ITGA10: variants seen among roughly 807,000 people sequenced by gnomAD.
The protein encoded by ITGA10 is integrin alpha-10.
Under a neutral mutation model 145.2 loss-of-function variants are expected in ITGA10, and 105 were observed. That is an observed-to-expected ratio of 0.72 (90% CI 0.62 to 0.85). ITGA10 has a LOEUF of 0.85. ITGA10 is among the 40% of genes least tolerant of loss of function. The probability of loss-of-function intolerance (pLI) is 0.00; values close to 1 mark genes in which losing one functional copy is unlikely to be tolerated. For synonymous variants in ITGA10, 506 were observed against 557.8 expected (o/e 0.91, Z 1.31); for missense variants, 1,317 against 1,444.5 (o/e 0.91, Z 1.43).
intron 1 of ITGA10, 160 bp from the exon 2 acceptor site, chr1:145,907,625 G>A (rs1657335793): frequency 2.0e-6 from 2 of 984,510 alleles, no homozygotes; most frequent in African/African-American, 3.5e-5. Flanking sequence ...CAGAGCTCCA[G>A]GCAAAGATGA....
intron 23 of ITGA10, 36 bp downstream of exon 23, chr1:145,896,733 G>A (rs1326449443): frequency 1.3e-6 from 2 of 1,530,010 alleles, no homozygotes; most frequent in African/African-American, 2.7e-5. Context: ...TGAGTCTGAG[G>A]TCAGAACTGG....
chr1:145,903,393 C>T (rs1570896342), intron 7 of ITGA10, among the ~76,000 whole-genome samples: 2 of 152,030 alleles, frequency 1.3e-5, no homozygotes, highest in African/African-American at 2.4e-5. Context: ...ATGTTTGGAA[C>T]GTGGGCTAGG....
intron 1 of ITGA10, among the ~76,000 whole-genome samples, chr1:145,908,138 G>T (rs1205321771): frequency 6.6e-6 from 1 of 152,058 alleles, no homozygotes; most frequent in Non-Finnish European, 1.5e-5. Flanking sequence ...GAGGGAGAGG[G>T]CCTTTCTGTA....
chr1:145,903,052 CA>C, intron 7 of ITGA10, 91 bp from the exon 8 acceptor site: 1 of 936,716 alleles, frequency 1.1e-6, no homozygotes, highest in Non-Finnish European at 1.5e-6. Flanking sequence ...CACACACACA[CA>C]CACACACACA....
chr1:145,895,895 A>C, intron 25 of ITGA10, 88 bp downstream of exon 25: 1 of 1,129,060 alleles, frequency 8.9e-7, no homozygotes. Context: ...CAGAGGCCCA[A>C]CAGATAGGGA....
chr1:145,901,691 A>G lies in ITGA10; in HGVS notation c.1295-27T>C, dbSNP rs1283563535. On this transcript the variant is annotated intron_variant, in intron 11 of 29. Transcript: ENST00000369304. The surrounding 1 kb of genome is among the most constrained non-coding windows in gnomAD (Gnocchi z 4.3). ...TAGAAGTGGGCAAAGTAACAGAGGT[A>G]AAGGAAAAGAAGATGGGGTCCAGAG... 6.5e-6 allele frequency: 10 copies of G among 1,539,996 alleles called. No individual in the cohort carries two copies. The highest frequency in any genetic ancestry group is 8.7e-6 in the Non-Finnish European group (10 of 1,145,320).
intron 27 of ITGA10, 93 bp from the exon 28 acceptor site, chr1:145,893,728 G>A (rs587739333): frequency 1.1e-6 from 1 of 945,382 alleles, no homozygotes; most frequent in Non-Finnish European, 1.6e-6. Context: ...GAGGCTGAGA[G>A]GCATAATGTT....
At position 145,893,587 on chromosome 1, in the gene ITGA10, C is replaced by T. The variant is rs144455188; in HGVS notation, c.3277G>A (p.Glu1093Lys). ...TVVSTFELGT[E>K]EGSVLQLTEA... The stretch of plus-strand genomic sequence containing the variant: ...GTCAGCTGTAGGACACTGCCCTCTT[C>T]GGTTCCCAGCTCAAAGGTGCTGACC... Residue 1093 changes from glutamate (E) to lysine (K), a missense_variant, in exon 28 of 30, where the codon GAA becomes AAA. Physicochemically the swap from Glu to Lys is moderately conservative, Grantham distance 56. Transcript: ENST00000369304. 489 of 1,613,226 alleles carry T rather than the reference C, an allele frequency of 3.0e-4. No individual in the cohort carries two copies. Among genetic ancestry groups the T allele is most frequent in the Non-Finnish European group, 3.4e-4 (396 of 1,179,736 alleles).
At chr1:145,896,665 G>T in intron 23 of ITGA10, 104 bp downstream of exon 23, 1 of 931,534 alleles carries the variant, frequency 1.1e-6, no homozygotes, top group Non-Finnish European at 1.8e-6. Flanking sequence ...AGCCGCAAGG[G>T]CTTGGGTTTT....
At position 145,899,338 on chromosome 1, in the gene ITGA10, G is replaced by A; in HGVS notation, c.1926C>T (p.Ser642=). Residue 642 remains serine, a synonymous_variant, in exon 16 of 30, where the codon TCC becomes TCT. Coordinates refer to ENST00000369304, the MANE Select transcript of ITGA10 (RefSeq NM_003637.5). ...ATGGGGTCAGATGGACAATGGGCCG[G>A]GAGCTGGGAACAGTGTGGAAAAGAA... is the stretch of plus-strand genomic sequence containing the variant. ...GAQGAAILLS[S]RPIVHLTPSL... 1 of 1,613,856 alleles carries A rather than the reference G, an allele frequency of 6.2e-7. No individual in the cohort carries two copies. The highest frequency in any genetic ancestry group is 8.5e-7 in the Non-Finnish European group (1 of 1,179,826).
rs781825737 is a variant in ITGA10 at position 145,906,721 on chromosome 1, T to C, written c.366+12A>G. On this transcript the variant is annotated intron_variant, in intron 4 of 29. Transcript: ENST00000369304. ...CTTCAGAGACACTGCCACCACCCTC[T>C]CCTTAGCTCACCATGAATCCCCCAT... 4 of 1,593,244 alleles carry C rather than the reference T, an allele frequency of 2.5e-6. No homozygotes were observed. In the African/African-American group the frequency reaches 5.4e-5, roughly 21 times the overall value.
chr1:145,904,075 A>G lies in ITGA10; in HGVS notation c.735T>C (p.Thr245=). 6.2e-7 allele frequency: 1 copy of G among 1,614,004 alleles called. No homozygotes were observed. The highest frequency in any genetic ancestry group is 1.1e-5 in the South Asian group (1 of 91,074). ...ACCAGGCCACCATTATTGCTTGGGC[A>G]GTCTTTGTTTCTCGTCCCTCCCGCC... The part of the protein sequence containing the change: ...LSRREGRETK[T]AQAIMVACTE... The change falls in exon 7 of 30, where the codon ACT becomes ACC. Residue 245 remains threonine, a synonymous_variant. Transcript: ENST00000369304.
chr1:145,902,764 C>A, intron 8 of ITGA10, 47 bp downstream of exon 8: 1 of 1,574,508 alleles, frequency 6.4e-7, no homozygotes, highest in Non-Finnish European at 8.6e-7. Context: ...CAAGACACTG[C>A]CCCCCTGCCA....
chr1:145,896,658 C>T (rs1245842803), intron 23 of ITGA10, 111 bp downstream of exon 23: 38 of 880,246 alleles, frequency 4.3e-5, no homozygotes, highest in South Asian at 3.0e-4. Flanking sequence ...ACTGAGCAGC[C>T]GCAAGGGCTT....
chr1:145,909,834 C>T, intron 1 of ITGA10, 129 bp downstream of exon 1: 2 of 773,288 alleles, frequency 2.6e-6, no homozygotes, highest in South Asian at 2.9e-5. Context: ...GACACACATA[C>T]AAGAAATGTA....
chr1:145,894,564 G>A (rs1249494485), intron 27 of ITGA10, among the ~76,000 whole-genome samples: 1 of 152,168 alleles, frequency 6.6e-6, no homozygotes, highest in African/African-American at 2.4e-5. Flanking sequence ...TGTTATTCCA[G>A]GTAGATATGG....
intron 15 of ITGA10, 110 bp from the exon 16 acceptor site, chr1:145,899,451 G>A: frequency 3.4e-6 from 4 of 1,191,134 alleles, no homozygotes; most frequent in Non-Finnish European, 4.8e-6. Flanking sequence ...GGGGCTGAAT[G>A]CACATGTCAC....
chr1:145,899,443 G>T, intron 15 of ITGA10, 102 bp from the exon 16 acceptor site: 4 of 1,277,048 alleles, frequency 3.1e-6, no homozygotes, highest in Non-Finnish European at 3.3e-6. Flanking sequence ...AAGAAGGAGG[G>T]GCTGAATGCA....
At position 145,902,320 on chromosome 1, in the gene ITGA10, C is replaced by T; in HGVS notation, c.1076-1G>A. On this transcript the variant is annotated splice_acceptor_variant, in intron 9 of 29. Transcript: ENST00000369304. LOFTEE classifies it high-confidence loss of function. Reference sequence around the variant, plus strand: ...GAGCTTTCGTTTTCTGCATGGGACCCTTGGTCATGAGAAAACATTGAGACA... The same window carrying T: ...GAGCTTTCGTTTTCTGCATGGGACCTTTGGTCATGAGAAAACATTGAGACA... 6.2e-7 allele frequency: 1 copy of T among 1,614,034 alleles called. No homozygotes were observed. The highest frequency in any genetic ancestry group is 8.5e-7 in the Non-Finnish European group (1 of 1,179,910).
Sources: gnomAD v4.1 joint callset for allele counts (sites outside exome capture counted in the v4.1 genomes callset) on GRCh38, gnomAD v4.1.1 for gene constraint, Gnocchi (gnomAD v3.1) non-coding constraint, MANE v1.5 for transcripts, NCBI Gene and HGNC (gene_info 2026-07-23, HGNC 2026-07-21) for gene names.